Variants in MCOLN2 observed in about 807,000 individuals in gnomAD.
The protein encoded by MCOLN2 is mucolipin-2.
Under a neutral mutation model 67.5 loss-of-function variants are expected in MCOLN2, and 57 were observed. That is an observed-to-expected ratio of 0.84 (90% CI 0.68 to 1.05). The LOEUF is 1.05. MCOLN2 is among the 50% of genes least tolerant of loss of function. The pLI is 0.00. For synonymous variants in MCOLN2, 246 were observed against 233.3 expected (o/e 1.05, Z -0.50); for missense variants, 620 against 678.8 (o/e 0.91, Z 0.96).
intron 1 of MCOLN2, among the ~76,000 whole-genome samples, chr1:84,972,797 G>C (rs1297705021): frequency 2.0e-5 from 3 of 152,210 alleles, no homozygotes; most frequent in Admixed American, 6.5e-5. Flanking sequence ...CAAGATGTCA[G>C]TGATTCTTAA....
intron 1 of MCOLN2, among the ~76,000 whole-genome samples, chr1:84,977,677 A>G (rs1650059975): frequency 6.6e-6 from 1 of 152,214 alleles, no homozygotes; most frequent in African/African-American, 2.4e-5. Flanking sequence ...GGGTCAATTC[A>G]GCAAGAGGAT....
In MCOLN2 at chr1:84,939,649, G is replaced by T. The variant is rs748798084; in HGVS notation, c.1014C>A (p.Asp338Glu). The change falls in exon 9 of 14, where the codon GAC becomes GAA. Residue 338 changes from aspartate (D) to glutamate (E), a missense_variant. Transcript: ENST00000370608. ...ACCAGCCGTTGATGAACTCCCACTG[G>T]TCGGTGTCACACACAGGCCGCTTGT... Reference protein sequence around the residue: ...EKYKRPVCDTDQWEFINGWYV... With the variant: ...EKYKRPVCDTEQWEFINGWYV... 1.2e-6 allele frequency: 2 copies of T among 1,614,050 alleles called. No individual in the cohort carries two copies. The highest frequency in any genetic ancestry group is 8.5e-7 in the Non-Finnish European group (1 of 1,179,930).
intron 11 of MCOLN2, among the ~76,000 whole-genome samples, chr1:84,932,391 T>C (rs1042913735): frequency 3.3e-5 from 5 of 152,104 alleles, no homozygotes; most frequent in Non-Finnish European, 1.5e-5. Context: ...TTTGTATTTT[T>C]TTGTAGAGAT....
intron 6 of MCOLN2, among the ~76,000 whole-genome samples, chr1:84,949,811 A>G (rs1352967807): frequency 6.6e-6 from 1 of 152,106 alleles, no homozygotes; most frequent in Non-Finnish European, 1.5e-5. Flanking sequence ...CAAAACTGTC[A>G]GTCAAGAATA....
intron 1 of MCOLN2, among the ~76,000 whole-genome samples, chr1:84,984,456 A>G (rs1358790454): frequency 1.3e-5 from 2 of 152,174 alleles, no homozygotes; most frequent in Admixed American, 1.3e-4. Flanking sequence ...TTTCAAGGCC[A>G]TAACTTTGGG....
intron 9 of MCOLN2, among the ~76,000 whole-genome samples, chr1:84,938,840 G>A (rs1647582864): frequency 6.6e-6 from 1 of 152,190 alleles, no homozygotes; most frequent in South Asian, 2.1e-4. Flanking sequence ...CCAAGAGGTA[G>A]AAAGGATGGT....
At chr1:84,944,601 G>T (rs960123957) in intron 7 of MCOLN2, among the ~76,000 whole-genome samples, 1 of 152,102 alleles carries the variant, frequency 6.6e-6, no homozygotes, top group Non-Finnish European at 1.5e-5. Flanking sequence ...CGCCAAGAAG[G>T]AGTCCCCCAA....
intron 1 of MCOLN2, among the ~76,000 whole-genome samples, chr1:84,967,242 A>G (rs973045164): frequency 3.9e-5 from 6 of 152,214 alleles, no homozygotes; most frequent in African/African-American, 1.4e-4. Context: ...GGATCCAGCT[A>G]TTCCTGAAGT....
chr1:84,928,343 G>A (rs1392197511), intron 13 of MCOLN2, among the ~76,000 whole-genome samples: 1 of 152,082 alleles, frequency 6.6e-6, no homozygotes, highest in Non-Finnish European at 1.5e-5. Flanking sequence ...GTCTGCTGCT[G>A]TTGCTCCTTG....
At chr1:84,936,723 A>G (rs1647455489) in intron 11 of MCOLN2, among the ~76,000 whole-genome samples, 1 of 152,246 alleles carries the variant, frequency 6.6e-6, no homozygotes, top group African/African-American at 2.4e-5. Flanking sequence ...GTTACTCGAC[A>G]TTATTCTGGT....
At chr1:84,928,963 T>C (rs1661279823) in intron 13 of MCOLN2, among the ~76,000 whole-genome samples, 1 of 149,528 alleles carries the variant, frequency 6.7e-6, no homozygotes, top group African/African-American at 2.4e-5. Flanking sequence ...ATAGGCACAT[T>C]AAAAAAAAAA....
At chr1:84,956,655 G>A in intron 3 of MCOLN2, 71 bp from the exon 4 acceptor site, 1 of 1,298,620 alleles carries the variant, frequency 7.7e-7, no homozygotes, top group Non-Finnish European at 1.0e-6. Context: ...ATAGCATATA[G>A]AATGTACTTT....
chr1:84,965,997 A>G (rs1328886671), intron 1 of MCOLN2, among the ~76,000 whole-genome samples: 1 of 152,210 alleles, frequency 6.6e-6, no homozygotes, highest in African/African-American at 2.4e-5. Flanking sequence ...TCACACCTGT[A>G]ATCCCAGCAC....
At chr1:84,937,518 G>C in intron 11 of MCOLN2, 1 of 1,080,418 alleles carries the variant, frequency 9.3e-7, no homozygotes, top group Non-Finnish European at 1.2e-6. Flanking sequence ...CCTTAAGCCA[G>C]TCCCAGACAA....
intron 1 of MCOLN2, among the ~76,000 whole-genome samples, chr1:84,986,020 T>C (rs1426142747): frequency 6.6e-6 from 1 of 152,112 alleles, no homozygotes; most frequent in Non-Finnish European, 1.5e-5. Context: ...TCTGGAGGCA[T>C]CACATTACCT....
intron 1 of MCOLN2, among the ~76,000 whole-genome samples, chr1:84,984,874 A>T (rs567717814): frequency 6.6e-6 from 1 of 152,302 alleles, no homozygotes; most frequent in African/African-American, 2.4e-5. Context: ...TCGTGCCTGT[A>T]GTCCCAGCTA....
chr1:84,974,560 G>C (rs1191576396), intron 1 of MCOLN2, among the ~76,000 whole-genome samples: 3 of 152,144 alleles, frequency 2.0e-5, no homozygotes, highest in African/African-American at 7.2e-5. Context: ...CTGCCTTGAA[G>C]GGAAGAACCC....
intron 2 of MCOLN2, among the ~76,000 whole-genome samples, chr1:84,960,369 T>C (rs189465374): frequency 6.6e-6 from 1 of 152,338 alleles, no homozygotes; most frequent in Admixed American, 6.5e-5. Flanking sequence ...ATCTGTGTTA[T>C]GCTATAAAAA....
intron 6 of MCOLN2, among the ~76,000 whole-genome samples, chr1:84,950,517 AACAAAGATTGCTCCAAGACT>A (rs1178991430): frequency 6.6e-6 from 1 of 152,236 alleles, no homozygotes; most frequent in Non-Finnish European, 1.5e-5. Context: ...TTTCAGAAAG[AACAAAGATTGCTCCAAGACT>A]GCAGGCTGAA....
Sources: gnomAD v4.1 joint callset for allele counts (sites outside exome capture counted in the v4.1 genomes callset) on GRCh38, gnomAD v4.1.1 for gene constraint, MANE v1.5 for transcripts, NCBI Gene and HGNC (gene_info 2026-07-23, HGNC 2026-07-21) for gene names.